Variants in SCN11A observed in about 807,000 individuals in gnomAD.
The protein encoded by SCN11A is sodium channel protein type 11 subunit alpha.
In SCN11A, 122 loss-of-function variants were observed where a neutral mutation model predicts 162.2. The observed-to-expected ratio is 0.75, with a 90% CI of 0.65 to 0.87. The LOEUF (loss-of-function observed/expected upper bound fraction) is 0.87, where lower values mean the gene tolerates loss of function less well. SCN11A is among the 40% of genes least tolerant of loss of function. The pLI is 0.00. For missense variants in SCN11A, 2,015 were observed against 2,181.6 expected (o/e 0.92, Z 1.52); for synonymous variants, 758 against 751.5 (o/e 1.01, Z -0.14).
chr3:38,902,661 G>A (rs931040674), intron 16 of SCN11A, among the ~76,000 whole-genome samples: 1 of 152,080 alleles, frequency 6.6e-6, no homozygotes, highest in Non-Finnish European at 1.5e-5. Flanking sequence ...GGGACTACAG[G>A]CGCCTGCCAC....
At chr3:38,874,674 T>C (rs1014869436) in intron 23 of SCN11A, among the ~76,000 whole-genome samples, 2 of 152,230 alleles carry the variant, frequency 1.3e-5, no homozygotes, top group South Asian at 2.1e-4. Context: ...AACTAGTGTA[T>C]ATTTCATCAT....
intron 2 of SCN11A, among the ~76,000 whole-genome samples, chr3:39,010,844 G>A (rs6764800): frequency 0.15 from 23,136 of 152,200 alleles, 3,507 homozygotes; most frequent in African/African-American, 0.39. Context: ...TCCGAACTGG[G>A]GGGTGGAACA....
Position 38,850,758 on chromosome 3 carries a change from A to T in SCN11A, c.4057-7T>A, listed in dbSNP as rs976052295. On this transcript the variant is annotated splice_polypyrimidine_tract_variant and splice_region_variant and intron_variant, in intron 28 of 29. Coordinates refer to ENST00000302328, the MANE Select transcript of SCN11A (RefSeq NM_001349253.2). ...CGAGACCTTGACATTTGTTCTGAGA[A>T]AAAAAAGAAATTATAAATCATTTTG... 6.4e-7 allele frequency: 1 copy of T among 1,564,604 alleles called. No individual in the cohort carries two copies. The highest frequency in any genetic ancestry group is 1.4e-5 in the African/African-American group (1 of 72,526).
Position 38,855,882 on chromosome 3 carries a change from A to G in SCN11A, c.4057-5131T>C, listed in dbSNP as rs545535843. 9.8e-5 allele frequency among the ~76,000 whole-genome samples: 15 copies of G among 152,310 alleles called. No individual in the cohort carries two copies. The South Asian group carries it at 3.1e-3, about 32-fold the overall frequency. On this transcript the variant is annotated intron_variant, in intron 28 of 29. Transcript: ENST00000302328. ...GCTGGGAAACCTGAAAACAGATCAC[A>G]TCACAGGACTCTTTGCAAACATTCC... is the stretch of plus-strand genomic sequence containing the variant.
At chr3:38,889,655 C>T in intron 19 of SCN11A, among the ~76,000 whole-genome samples, 1 of 151,300 alleles carries the variant, frequency 6.6e-6, no homozygotes, top group Admixed American at 6.6e-5. Context: ...AAAAAATCAG[C>T]CGAGTGTGGT....
intron 2 of SCN11A, among the ~76,000 whole-genome samples, chr3:39,010,750 C>G (rs2031108320): frequency 6.6e-6 from 1 of 152,118 alleles, no homozygotes; most frequent in South Asian, 2.1e-4. Context: ...GAGATAGCAG[C>G]TAAATTTTCT....
intron 2 of SCN11A, among the ~76,000 whole-genome samples, chr3:38,994,525 GTATAT>G (rs2030551394): frequency 1.3e-5 from 2 of 152,178 alleles, no homozygotes; most frequent in South Asian, 4.1e-4. Flanking sequence ...AGAACTGTTG[GTATAT>G]TATGATTCCT....
At chr3:38,898,616 TC>T (rs2065645527) in intron 17 of SCN11A, among the ~76,000 whole-genome samples, 2 of 152,182 alleles carry the variant, frequency 1.3e-5, no homozygotes, top group African/African-American at 4.8e-5. Context: ...AGAAATTTTA[TC>T]CTAGATCTTC....
intron 7 of SCN11A, among the ~76,000 whole-genome samples, chr3:38,930,924 A>G (rs1208619736): frequency 2.0e-5 from 3 of 152,184 alleles, no homozygotes; most frequent in Non-Finnish European, 4.4e-5. Context: ...TTTAATAGTG[A>G]AAATGGCCTC....
intron 19 of SCN11A, among the ~76,000 whole-genome samples, chr3:38,889,645 A>G (rs1232507205): frequency 2.0e-5 from 3 of 150,362 alleles, no homozygotes; most frequent in Non-Finnish European, 4.4e-5. Flanking sequence ...TAAAAATACA[A>G]AAAAATCAGC....
At chr3:38,997,083 G>A (rs1057072676) in intron 2 of SCN11A, among the ~76,000 whole-genome samples, 1 of 152,056 alleles carries the variant, frequency 6.6e-6, no homozygotes, top group Non-Finnish European at 1.5e-5. Flanking sequence ...TAGCAGTCCA[G>A]TGATCTTTTA....
At chr3:38,877,859 T>C (rs1019593734) in intron 23 of SCN11A, among the ~76,000 whole-genome samples, 4 of 150,912 alleles carry the variant, frequency 2.7e-5, no homozygotes, top group South Asian at 2.1e-4. Flanking sequence ...AGGACCAAAA[T>C]AGTGGCTTTC....
At chr3:38,907,357 TACACACACACAC>T (rs376599495) in intron 14 of SCN11A, among the ~76,000 whole-genome samples, 30 of 128,568 alleles carry the variant, frequency 2.3e-4, no homozygotes, top group Middle Eastern at 4.2e-3. Context: ...TATCTATATA[TACACACACACAC>T]ACACACACAC....
intron 2 of SCN11A, among the ~76,000 whole-genome samples, chr3:38,997,747 A>T (rs1263909123): frequency 6.6e-6 from 1 of 152,244 alleles, no homozygotes; most frequent in African/African-American, 2.4e-5. Flanking sequence ...TGGAATCTCC[A>T]TGTTCATCTC....
rs34032181 is a variant in SCN11A, at chr3:39,043,483, CAA to C, written c.-404+8376_-404+8377del. Reference sequence around the variant, plus strand: ...TATACACAATGAAGTACTATACAGCCAAAAAAAAAAAAAAAAACCCAGAATCC... The same window carrying C: ...TATACACAATGAAGTACTATACAGCCAAAAAAAAAAAAAAACCCAGAATCC... On this transcript the variant is annotated intron_variant, in intron 1 of 29. Transcript: ENST00000302328. Among the ~76,000 whole-genome samples, 76 of 105,240 alleles carry C rather than the reference CAA, an allele frequency of 7.2e-4. No homozygotes were observed. The South Asian group carries it at 7.3e-3, about 10-fold the overall frequency. 69.0% of individuals were successfully genotyped at this position (105,240 alleles called of 152,430 possible). A position where few individuals can be genotyped will look rare whatever the true frequency, so the allele number is the denominator to read the frequency against.
At position 38,847,700 on chromosome 3, in the gene SCN11A, A is replaced by G. The variant is rs2064699095; in HGVS notation, c.4370T>C (p.Phe1457Ser). 1 of 1,607,190 alleles carries G rather than the reference A, an allele frequency of 6.2e-7. No homozygotes were observed. The change falls in exon 30 of 30, where the codon TTC (phenylalanine) becomes TCC (serine). Residue 1457 changes from phenylalanine to serine, a missense_variant. Phe to Ser is a radical substitution (Grantham distance 155). Transcript: ENST00000302328. The part of the protein sequence containing the change: ...STLENQEHIP[F>S]PPTLFRIVRL... ...GACAATTCTGAAGAGCGTCGGAGGG[A>G]AAGGAATGTGCTCCTGATTTTCCAA... is the stretch of plus-strand genomic sequence containing the variant.
intron 28 of SCN11A, among the ~76,000 whole-genome samples, chr3:38,858,174 C>T (rs943625978): frequency 1.3e-5 from 2 of 152,114 alleles, no homozygotes; most frequent in Non-Finnish European, 2.9e-5. Context: ...TACTTCACAT[C>T]TCAATACTAA....
intron 2 of SCN11A, among the ~76,000 whole-genome samples, chr3:39,012,115 C>T (rs1001355650): frequency 2.0e-5 from 3 of 151,940 alleles, no homozygotes; most frequent in Admixed American, 6.6e-5. Flanking sequence ...CACCTGAGGT[C>T]GGAAGTTCGA....
At chr3:38,999,716 G>A (rs574674899) in intron 2 of SCN11A, among the ~76,000 whole-genome samples, 104 of 152,302 alleles carry the variant, frequency 6.8e-4, no homozygotes, top group Admixed American at 1.2e-3. Context: ...AATAGTGGGT[G>A]GGAGTAGATG....
Sources: allele counts gnomAD v4.1 joint callset (sites outside exome capture counted in the v4.1 genomes callset), GRCh38; gene constraint gnomAD v4.1.1; transcripts MANE v1.5; gene names NCBI Gene and HGNC (gene_info 2026-07-23, HGNC 2026-07-21).